Variants in DLGAP1 observed in about 807,000 individuals in gnomAD.
DLGAP1 encodes the protein disks large-associated protein 1.
A neutral mutation model predicts 90.8 loss-of-function variants in DLGAP1; 11 were observed. The ratio of observed to expected loss-of-function variants is 0.12; its 90% CI spans 0.08 to 0.20. The LOEUF (loss-of-function observed/expected upper bound fraction) is 0.20. DLGAP1 is among the 10% of genes least tolerant of loss of function. The pLI is 1.00. For synonymous variants in DLGAP1, 558 were observed against 540.7 expected (o/e 1.03, Z -0.44); for missense variants, 1,050 against 1,333.8 (o/e 0.79, Z 3.31).
At chr18:4,154,699 G>C (rs1381101751) in intron 1 of DLGAP1, among the ~76,000 whole-genome samples, 1 of 152,164 alleles carries the variant, frequency 6.6e-6, no homozygotes, top group African/African-American at 2.4e-5. Context: ...TTTCTGACTT[G>C]TGAAAGTTAC....
At chr18:4,387,347 A>G (rs1323019391) in intron 1 of DLGAP1, among the ~76,000 whole-genome samples, 8 of 152,222 alleles carry the variant, frequency 5.3e-5, no homozygotes, top group African/African-American at 1.9e-4. Context: ...GCTATACATA[A>G]GTAATTAATG....
At chr18:3,854,367 T>C (rs1599010088) in intron 4 of DLGAP1, among the ~76,000 whole-genome samples, 2 of 149,582 alleles carry the variant, frequency 1.3e-5, no homozygotes, top group East Asian at 3.9e-4. Context: ...ATACATACAT[T>C]GGTGGGGGAA....
intron 3 of DLGAP1, among the ~76,000 whole-genome samples, chr18:4,003,198 C>T (rs1223866777): frequency 6.6e-6 from 1 of 152,148 alleles, no homozygotes. Flanking sequence ...TAAAAGCTTC[C>T]CAGTTGGTTC....
At chr18:4,261,835 C>T (rs1172917050) in intron 1 of DLGAP1, among the ~76,000 whole-genome samples, 1 of 152,006 alleles carries the variant, frequency 6.6e-6, no homozygotes, top group Non-Finnish European at 1.5e-5. Flanking sequence ...GAGTGCCAAG[C>T]AGTAAAGCTC....
chr18:4,014,305 G>C (rs1174024874), intron 2 of DLGAP1, among the ~76,000 whole-genome samples: 1 of 151,948 alleles, frequency 6.6e-6, no homozygotes, highest in Non-Finnish European at 1.5e-5. Context: ...AGATGGTCTC[G>C]ATCTCTTGAC....
intron 7 of DLGAP1, among the ~76,000 whole-genome samples, chr18:3,637,944 C>CTT (rs56346479): frequency 0.11 from 12,474 of 109,248 alleles, 1,145 homozygotes; most frequent in African/African-American, 0.2. Flanking sequence ...TGCTAGGTAG[C>CTT]TTTTTTTTTT....
intron 1 of DLGAP1, among the ~76,000 whole-genome samples, chr18:4,300,543 A>G (rs1002509281): frequency 1.4e-4 from 21 of 152,070 alleles, no homozygotes; most frequent in African/African-American, 5.1e-4. Context: ...ATTTTTTTAT[A>G]TTTGTTTTAA....
intron 4 of DLGAP1, among the ~76,000 whole-genome samples, chr18:3,858,681 A>T (rs1240232031): frequency 1.3e-5 from 2 of 152,188 alleles, no homozygotes; most frequent in Admixed American, 6.5e-5. Flanking sequence ...AAAAATTTCA[A>T]ATAAGAAGCA....
intron 3 of DLGAP1, among the ~76,000 whole-genome samples, chr18:3,938,845 A>T (rs1275699803): frequency 6.6e-6 from 1 of 152,150 alleles, no homozygotes; most frequent in Non-Finnish European, 1.5e-5. Context: ...AATACACAGT[A>T]GTGGACAAGA....
In DLGAP1 at chr18:4,033,481, CT is replaced by C. The variant is rs1241500546; in HGVS notation, c.-158-28281del. ...TTATGGGAAATGTATCAGTGAACAT[CT>C]TTGTATCCTAGGCCAGATACTCAGA... On this transcript the variant is annotated intron_variant, in intron 2 of 12. Coordinates refer to ENST00000315677, the MANE Select transcript of DLGAP1 (RefSeq NM_004746.4). 8.5e-5 allele frequency among the ~76,000 whole-genome samples: 13 copies of C among 152,252 alleles called. No homozygotes were observed. The South Asian group carries it at 1.2e-3, about 15-fold the overall frequency.
At position 3,523,717 on chromosome 18, in the gene DLGAP1, T is replaced by C. The variant is rs181792701; in HGVS notation, c.2479+10477A>G. Among the ~76,000 whole-genome samples the C allele has an allele frequency of 8.2e-3, 1,242 of 151,716 alleles. 7 individuals carry two copies. The highest frequency in any genetic ancestry group is 0.013 in the Non-Finnish European group (888 of 67,900). ...AAAAAATTAGCCAGGCGTGGTGGCGTGCGCCCGTAGTCCCAGCTACACTGG... is the reference window on the plus strand; with the variant it reads ...AAAAAATTAGCCAGGCGTGGTGGCGCGCGCCCGTAGTCCCAGCTACACTGG... On this transcript the variant is annotated intron_variant, in intron 10 of 12. Coordinates refer to ENST00000315677, the MANE Select transcript of DLGAP1 (RefSeq NM_004746.4).
At chr18:4,170,687 G>T (rs1218750420) in intron 1 of DLGAP1, among the ~76,000 whole-genome samples, 1 of 152,134 alleles carries the variant, frequency 6.6e-6, no homozygotes, top group Admixed American at 6.6e-5. Flanking sequence ...AAAAAGGAGT[G>T]AAGCTATCTA....
chr18:4,150,833 T>C (rs2076663661), intron 2 of DLGAP1, among the ~76,000 whole-genome samples: 1 of 152,250 alleles, frequency 6.6e-6, no homozygotes, highest in Non-Finnish European at 1.5e-5. Context: ...CACTATGCCA[T>C]TTACTTCCAT....
At chr18:4,234,832 T>C (rs1314503069) in intron 1 of DLGAP1, among the ~76,000 whole-genome samples, 1 of 152,126 alleles carries the variant, frequency 6.6e-6, no homozygotes, top group Non-Finnish European at 1.5e-5. Flanking sequence ...TTTTCCTGTT[T>C]TACTTATTCA....
intron 1 of DLGAP1, among the ~76,000 whole-genome samples, chr18:4,191,467 C>G (rs1001265531): frequency 1.3e-5 from 2 of 152,098 alleles, no homozygotes; most frequent in Non-Finnish European, 2.9e-5. Flanking sequence ...TCTTTCCATT[C>G]GCAATACATT....
intron 1 of DLGAP1, among the ~76,000 whole-genome samples, chr18:4,273,155 G>A (rs2079323561): frequency 6.6e-6 from 1 of 152,154 alleles, no homozygotes; most frequent in South Asian, 2.1e-4. Context: ...CAGCCTCCAG[G>A]AAACTAATAC....
intron 1 of DLGAP1, among the ~76,000 whole-genome samples, chr18:4,242,789 G>A (rs1283849265): frequency 6.6e-6 from 1 of 152,018 alleles, no homozygotes; most frequent in African/African-American, 2.4e-5. Context: ...TACACATAAA[G>A]GTGAGATCAT....
At chr18:3,683,751 G>A (rs1453215418) in intron 7 of DLGAP1, among the ~76,000 whole-genome samples, 3 of 152,160 alleles carry the variant, frequency 2.0e-5, no homozygotes, top group East Asian at 1.9e-4. Flanking sequence ...GGCAAACATC[G>A]TTAGCAGTAT....
At chr18:4,308,640 T>G (rs990515653) in intron 1 of DLGAP1, among the ~76,000 whole-genome samples, 1 of 152,180 alleles carries the variant, frequency 6.6e-6, no homozygotes, top group African/African-American at 2.4e-5. Context: ...CAAACTTACC[T>G]GACAAAGAAT....
Sources: allele counts gnomAD v4.1 joint callset (sites outside exome capture counted in the v4.1 genomes callset), GRCh38; gene constraint gnomAD v4.1.1; transcripts MANE v1.5; gene names NCBI Gene and HGNC (gene_info 2026-07-23, HGNC 2026-07-21).